Variants in PDE4D observed in about 807,000 individuals in gnomAD.
PDE4D encodes the protein 3',5'-cyclic-AMP phosphodiesterase 4D.
PDE4D carries 24 observed loss-of-function variants against 87.4 expected under a neutral mutation model. The ratio of observed to expected loss-of-function variants is 0.27; its 90% CI spans 0.20 to 0.39. The LOEUF is 0.39. Ranked by LOEUF, PDE4D falls within the 10% of genes least tolerant of loss-of-function variation. The probability of loss-of-function intolerance (pLI) is 1.00; values close to 1 mark genes in which losing one functional copy is unlikely to be tolerated. For synonymous variants in PDE4D, 384 were observed against 383.2 expected (o/e 1.00, Z -0.02); for missense variants, 714 against 1,041.0 (o/e 0.69, Z 4.32).
intron 1 of PDE4D, among the ~76,000 whole-genome samples, chr5:59,658,284 A>C (rs1180685651): frequency 1.3e-5 from 2 of 152,240 alleles, no homozygotes; most frequent in Non-Finnish European, 2.9e-5. Context: ...TATTTACTAA[A>C]GTCTCACACC....
intron 1 of PDE4D, among the ~76,000 whole-genome samples, chr5:60,325,526 G>A (rs1433691404): frequency 6.6e-6 from 1 of 152,148 alleles, no homozygotes; most frequent in Non-Finnish European, 1.5e-5. Flanking sequence ...TTAAGAAACG[G>A]ATGGGTAACT....
chr5:59,521,920 G>C (rs908240519), intron 1 of PDE4D, among the ~76,000 whole-genome samples: 13 of 152,240 alleles, frequency 8.5e-5, no homozygotes, highest in Non-Finnish European at 7.4e-5. Context: ...TACTATTGAT[G>C]AACATGAAGA....
intron 1 of PDE4D, among the ~76,000 whole-genome samples, chr5:60,476,485 G>C (rs369319577): frequency 6.6e-6 from 1 of 152,044 alleles, no homozygotes; most frequent in South Asian, 2.1e-4. Context: ...TGTGCCCCAC[G>C]CAGCAGCCAG....
At chr5:60,072,923 T>G (rs896071229) in intron 2 of PDE4D, among the ~76,000 whole-genome samples, 8 of 152,140 alleles carry the variant, frequency 5.3e-5, no homozygotes, top group Admixed American at 2.6e-4. Context: ...AATCAGGTAG[T>G]GTGATGCCTC....
intron 3 of PDE4D, among the ~76,000 whole-genome samples, chr5:59,926,502 C>A (rs1401984260): frequency 6.6e-6 from 1 of 151,916 alleles, no homozygotes; most frequent in Non-Finnish European, 1.5e-5. Flanking sequence ...AAGGAATGAT[C>A]AAGATCAGTG....
intron 1 of PDE4D, among the ~76,000 whole-genome samples, chr5:59,887,372 C>T (rs999043602): frequency 2.6e-5 from 4 of 151,984 alleles, no homozygotes; most frequent in African/African-American, 9.7e-5. Context: ...TATTTTTAAA[C>T]GTAGATAAAA....
intron 1 of PDE4D, among the ~76,000 whole-genome samples, chr5:60,371,205 C>G (rs968682556): frequency 2.6e-5 from 4 of 152,170 alleles, no homozygotes; most frequent in Non-Finnish European, 5.9e-5. Context: ...TTGCACTACG[C>G]GAATGGCCTT....
chr5:59,358,680 G>A (rs930502920), intron 1 of PDE4D, among the ~76,000 whole-genome samples: 5 of 151,952 alleles, frequency 3.3e-5, no homozygotes, highest in Admixed American at 6.6e-5. Flanking sequence ...GGTGATCTGC[G>A]TAAAGAGGGG....
chr5:59,691,719 T>TA (rs34034249), intron 1 of PDE4D, among the ~76,000 whole-genome samples: 109,230 of 148,024 alleles, frequency 0.74, 40,095 homozygotes, highest in East Asian at 0.83. Context: ...TAAAGTATAA[T>TA]AAAAAAAAAA....
intron 1 of PDE4D, among the ~76,000 whole-genome samples, chr5:59,520,319 C>T (rs1037536784): frequency 6.6e-5 from 10 of 152,260 alleles, no homozygotes; most frequent in African/African-American, 2.4e-4. Flanking sequence ...GGCTGTTCTC[C>T]CTGCCCCAAA....
Position 59,668,822 on chromosome 5 carries a change from GA to G in PDE4D, c.455+224345del, listed in dbSNP as rs1561440861. 9.7e-4 allele frequency among the ~76,000 whole-genome samples: 93 copies of G among 95,798 alleles called. 4 individuals carry two copies. The highest frequency in any genetic ancestry group is 3.5e-3 in the African/African-American group (70 of 20,042). The allele number at this position is 95,798 out of a possible 152,430, so 62.8% of individuals were successfully genotyped here. A position where few individuals can be genotyped will look rare whatever the true frequency, so the allele number is the denominator to read the frequency against. Reference sequence around the variant, plus strand: ...GAAGAAGAAAGAAGAAGAAGAAGAAGAAGAAGAAGAGGAAGAGGAAGAGGAA... The same window carrying G: ...GAAGAAGAAAGAAGAAGAAGAAGAAGAGAAGAAGAGGAAGAGGAAGAGGAA... On this transcript the variant is annotated intron_variant, in intron 1 of 14. Transcript: ENST00000340635.
chr5:60,268,462 T>C (rs2149717888), intron 1 of PDE4D, among the ~76,000 whole-genome samples: 1 of 152,310 alleles, frequency 6.6e-6, no homozygotes, highest in South Asian at 2.1e-4. Flanking sequence ...TCTTCGGGTG[T>C]GGACGGCTAC....
intron 1 of PDE4D, among the ~76,000 whole-genome samples, chr5:60,404,112 C>G (rs1049324862): frequency 1.3e-5 from 2 of 150,816 alleles, no homozygotes; most frequent in Middle Eastern, 3.2e-3. Flanking sequence ...TCTGATCCTA[C>G]AGCCTAACCA....
intron 1 of PDE4D, among the ~76,000 whole-genome samples, chr5:59,328,988 G>T (rs1776221967): frequency 6.6e-6 from 1 of 152,192 alleles, no homozygotes; most frequent in South Asian, 2.1e-4. Context: ...TGTTGTGGTG[G>T]GCACGGTGCC....
chr5:59,324,699 A>G (rs1775332625), intron 1 of PDE4D, among the ~76,000 whole-genome samples: 1 of 152,112 alleles, frequency 6.6e-6, no homozygotes, highest in African/African-American at 2.4e-5. Flanking sequence ...GAAAGATGAA[A>G]AAGACTCAGG....
chr5:59,361,373 C>T (rs1782198510), intron 1 of PDE4D, among the ~76,000 whole-genome samples: 1 of 152,168 alleles, frequency 6.6e-6, no homozygotes. Flanking sequence ...ACACAATTTT[C>T]TAACAAGTGT....
At chr5:60,129,368 G>A (rs1562129213) in intron 2 of PDE4D, among the ~76,000 whole-genome samples, 1 of 152,172 alleles carries the variant, frequency 6.6e-6, no homozygotes, top group Admixed American at 6.5e-5. Context: ...CAGGTAGAGA[G>A]AAGAGGCAGG....
chr5:60,401,810 C>T (rs557990280), intron 1 of PDE4D, among the ~76,000 whole-genome samples: 1 of 152,330 alleles, frequency 6.6e-6, no homozygotes, highest in Admixed American at 6.5e-5. Flanking sequence ...ATGTTTGCAG[C>T]ATCTGCGTCA....
At chr5:59,127,759 C>T (rs1186319203) in intron 5 of PDE4D, among the ~76,000 whole-genome samples, 1 of 151,936 alleles carries the variant, frequency 6.6e-6, no homozygotes, top group Non-Finnish European at 1.5e-5. Context: ...ATGCCTAGTG[C>T]GACATCAGAA....
Sources: gnomAD v4.1 joint callset for allele counts (sites outside exome capture counted in the v4.1 genomes callset) on GRCh38, gnomAD v4.1.1 for gene constraint, MANE v1.5 for transcripts, NCBI Gene and HGNC (gene_info 2026-07-23, HGNC 2026-07-21) for gene names.